PRKD1: variants seen among roughly 807,000 people sequenced by gnomAD.
The protein encoded by PRKD1 is serine/threonine-protein kinase D1.
PRKD1 carries 63 observed loss-of-function variants against 95.9 expected under a neutral mutation model. That is an observed-to-expected ratio of 0.66 (90% CI 0.54 to 0.81). PRKD1 has a LOEUF of 0.81. Among genes scored for constraint, PRKD1 ranks in the 30% least tolerant of loss-of-function variants. PRKD1 has a pLI of 0.00. For synonymous variants in PRKD1, 425 were observed against 423.1 expected (o/e 1.00, Z -0.05); for missense variants, 1,048 against 1,165.3 (o/e 0.90, Z 1.47).
At chr14:29,751,841 G>T (rs566141829) in intron 1 of PRKD1, among the ~76,000 whole-genome samples, 9 of 152,288 alleles carry the variant, frequency 5.9e-5, no homozygotes, top group African/African-American at 1.9e-4. Flanking sequence ...AAGCTCCACG[G>T]ATTAGGTTTG....
chr14:29,793,599 C>T (rs1889665840), intron 1 of PRKD1, among the ~76,000 whole-genome samples: 2 of 152,034 alleles, frequency 1.3e-5, no homozygotes, highest in South Asian at 2.1e-4. Context: ...TCAAAATAAT[C>T]ATGTGCATGA....
intron 13 of PRKD1, among the ~76,000 whole-genome samples, chr14:29,604,168 G>T (rs1306030147): frequency 1.3e-5 from 2 of 151,996 alleles, no homozygotes; most frequent in African/African-American, 4.8e-5. Flanking sequence ...TACATTTTTT[G>T]ATTTGTGTTA....
chr14:29,788,361 G>A (rs527706050), intron 1 of PRKD1, among the ~76,000 whole-genome samples: 1 of 152,210 alleles, frequency 6.6e-6, no homozygotes, highest in East Asian at 1.9e-4. Flanking sequence ...CTTTGTCTGT[G>A]ACTTTTGACC....
chr14:29,703,865 G>A (rs2139334425), intron 2 of PRKD1, among the ~76,000 whole-genome samples: 1 of 152,218 alleles, frequency 6.6e-6, no homozygotes, highest in African/African-American at 2.4e-5. Flanking sequence ...GAATACTTGT[G>A]GCCATGGCCT....
intron 2 of PRKD1, among the ~76,000 whole-genome samples, chr14:29,721,750 C>T (rs1441312558): frequency 6.6e-6 from 1 of 152,052 alleles, no homozygotes; most frequent in Non-Finnish European, 1.5e-5. Context: ...CTTTGTTTAA[C>T]ATACAAAGAG....
intron 1 of PRKD1, among the ~76,000 whole-genome samples, chr14:29,806,273 T>A (rs1280208950): frequency 6.6e-6 from 1 of 152,244 alleles, no homozygotes; most frequent in Non-Finnish European, 1.5e-5. Context: ...TTGGACATTT[T>A]GCTTCTAACT....
At chr14:29,673,341 C>T (rs1301700154) in intron 2 of PRKD1, among the ~76,000 whole-genome samples, 2 of 152,182 alleles carry the variant, frequency 1.3e-5, no homozygotes, top group East Asian at 1.9e-4. Flanking sequence ...CATACTTTTT[C>T]TCCAGCCATT....
chr14:29,696,553 A>G (rs1347839813), intron 2 of PRKD1, among the ~76,000 whole-genome samples: 2 of 152,178 alleles, frequency 1.3e-5, no homozygotes, highest in African/African-American at 4.8e-5. Context: ...TTAGATAGTG[A>G]TGACTGCATA....
intron 13 of PRKD1, 95 bp from the exon 14 acceptor site, chr14:29,599,912 A>C: frequency 8.9e-7 from 1 of 1,128,668 alleles, no homozygotes; most frequent in Non-Finnish European, 1.2e-6. Flanking sequence ...GCTTAGAGCT[A>C]TAGAGAAACC....
intron 16 of PRKD1, among the ~76,000 whole-genome samples, chr14:29,580,333 C>G (rs1393757704): frequency 3.9e-5 from 6 of 152,148 alleles, no homozygotes; most frequent in African/African-American, 1.4e-4. Flanking sequence ...AATCATTAGT[C>G]TGACTACGCC....
At chr14:29,802,237 C>T (rs1890064837) in intron 1 of PRKD1, among the ~76,000 whole-genome samples, 1 of 152,000 alleles carries the variant, frequency 6.6e-6, no homozygotes, top group Admixed American at 6.5e-5. Context: ...GTAATAGTCC[C>T]AGCTTTTAAG....
intron 1 of PRKD1, among the ~76,000 whole-genome samples, chr14:29,841,243 T>C (rs1183446714): frequency 2.0e-5 from 3 of 152,216 alleles, no homozygotes; most frequent in Non-Finnish European, 4.4e-5. Context: ...GACTTTGGAC[T>C]GTGGACTTTT....
intron 1 of PRKD1, among the ~76,000 whole-genome samples, chr14:29,872,412 C>A (rs527695913): frequency 1.3e-5 from 2 of 152,120 alleles, no homozygotes; most frequent in African/African-American, 4.8e-5. Flanking sequence ...CCTGTAATCC[C>A]AGCACTTTGA....
At chr14:29,630,641 C>T (rs770210811) in intron 10 of PRKD1, 101 bp downstream of exon 10, 14 of 1,465,934 alleles carry the variant, frequency 9.6e-6, no homozygotes, top group Non-Finnish European at 1.3e-5. Context: ...CCCAAGAAGT[C>T]TTTCTTCATT....
At position 29,780,066 on chromosome 14, in the gene PRKD1, G is replaced by A. The variant is rs528783454; in HGVS notation, c.265-54392C>T. 4.6e-5 allele frequency among the ~76,000 whole-genome samples: 7 copies of A among 152,296 alleles called. No individual in the cohort carries two copies. The East Asian group carries it at 9.6e-4, about 21-fold the overall frequency. ...GATTCCCTGTTTAATAAATGGTGTT[G>A]AGAAAACTGGCTAGCCATATGTAGA... On this transcript the variant is annotated intron_variant, in intron 1 of 17. Transcript: ENST00000331968.
chr14:29,769,831 T>C (rs933333138), intron 1 of PRKD1, among the ~76,000 whole-genome samples: 6 of 152,242 alleles, frequency 3.9e-5, no homozygotes, highest in African/African-American at 1.2e-4. Flanking sequence ...GATGTACTTA[T>C]ACAATATGCA....
chr14:29,900,619 A>G (rs538180639), intron 1 of PRKD1, among the ~76,000 whole-genome samples: 1 of 152,308 alleles, frequency 6.6e-6, no homozygotes, highest in African/African-American at 2.4e-5. Flanking sequence ...GAATCAAAAA[A>G]GGACTTAAAT....
chr14:29,582,596 G>A (rs1164770853), intron 16 of PRKD1, among the ~76,000 whole-genome samples: 1 of 152,046 alleles, frequency 6.6e-6, no homozygotes, highest in Non-Finnish European at 1.5e-5. Context: ...TTTCCCATAG[G>A]TGCCAGCTCC....
intron 1 of PRKD1, among the ~76,000 whole-genome samples, chr14:29,754,332 TAA>T (rs1164500264): frequency 6.6e-6 from 1 of 152,210 alleles, no homozygotes; most frequent in African/African-American, 2.4e-5. Flanking sequence ...AGAAATTCTA[TAA>T]GTGATGTCAT....
Sources: gnomAD v4.1 joint callset for allele counts (sites outside exome capture counted in the v4.1 genomes callset) on GRCh38, gnomAD v4.1.1 for gene constraint, MANE v1.5 for transcripts, NCBI Gene and HGNC (gene_info 2026-07-23, HGNC 2026-07-21) for gene names.